The following ZNF469 variants were observed in gnomAD, a reference collection of about 807,000 sequenced individuals.
ZNF469 encodes the protein zinc finger protein 469.
In ZNF469, 1 loss-of-function variant was observed where a neutral mutation model predicts 1.0. The observed-to-expected ratio is 1.00, with a 90% CI of 0.35 to 4.73. The LOEUF is 4.73. Ranked by LOEUF, ZNF469 falls within the 30% of genes most tolerant of loss-of-function variation. ZNF469 has a pLI of 0.16. For missense variants in ZNF469, 6,100 were observed against 5,356.3 expected, an observed-to-expected ratio of 1.14 and a Z score of -4.33; for synonymous variants, 2,703 against 2,363.4, an observed-to-expected ratio of 1.14 and a Z score of -4.17.
the ZNF469 span, among the ~76,000 whole-genome samples, chr16:88,159,607 A>G: frequency 6.6e-6 from 1 of 152,196 alleles, no homozygotes; most frequent in African/African-American, 2.4e-5. Context: ...ATCAGCTTGA[A>G]GCAAAAACAA....
chr16:88,231,713 G>A, the ZNF469 span, among the ~76,000 whole-genome samples: 1 of 151,880 alleles, frequency 6.6e-6, no homozygotes. The surrounding 1 kb of genome is among the most constrained non-coding windows in gnomAD (Gnocchi z 4.5). Flanking sequence ...TGAGCCCCCC[G>A]CCTCCCTCTT....
At chr16:88,168,000 C>A in the ZNF469 span, among the ~76,000 whole-genome samples, 1 of 152,230 alleles carries the variant, frequency 6.6e-6, no homozygotes, top group Non-Finnish European at 1.5e-5. Flanking sequence ...GTTTGGCGGG[C>A]GGGTCCCCCT....
At chr16:88,252,577 G>C in the ZNF469 span, among the ~76,000 whole-genome samples, 336 of 152,174 alleles carry the variant, frequency 2.2e-3, no homozygotes, top group African/African-American at 7.7e-3. Flanking sequence ...GTTATCTGCG[G>C]GAAGGTTCAC....
the ZNF469 span, among the ~76,000 whole-genome samples, chr16:88,130,560 G>T: frequency 3.9e-5 from 6 of 152,036 alleles, no homozygotes; most frequent in African/African-American, 1.4e-4. Flanking sequence ...ACAAAAATTA[G>T]CTGGGCGTGG....
At chr16:88,349,355 T>C in the ZNF469 span, among the ~76,000 whole-genome samples, 1 of 150,636 alleles carries the variant, frequency 6.6e-6, no homozygotes, top group Non-Finnish European at 1.5e-5. Context: ...CACACACAAG[T>C]ACACACATAT....
Position 88,438,324 on chromosome 16 carries a change from C to T in ZNF469, c.10854C>T (p.Leu3618=), listed in dbSNP as rs890693959. The part of the protein sequence containing the change: ...GQDAEGKRAP[L]VFSGKRRAPG... ...ATGCGGAGGGAAAGAGGGCTCCTCT[C>T]GTGTTCTCAGGGAAACGCAGGGCCC... The change falls in exon 3 of 3, where the codon CTC becomes CTT. Residue 3618 remains leucine (L), a synonymous_variant. Transcript: ENST00000565624. The T allele has an allele frequency of 9.0e-6, 14 of 1,550,072 alleles. No individual in the cohort carries two copies. The highest frequency in any genetic ancestry group is 3.9e-5 in the Admixed American group (2 of 50,982).
chr16:88,247,575 AG>A, the ZNF469 span, among the ~76,000 whole-genome samples: 1 of 150,680 alleles, frequency 6.6e-6, no homozygotes, highest in Non-Finnish European at 1.5e-5. Context: ...TGAGTGACTG[AG>A]TGAGTGAATG....
At chr16:88,382,661 G>T (rs1438921033), upstream of ZNF469, among the ~76,000 whole-genome samples, 1 of 152,232 alleles carries the variant, frequency 6.6e-6, no homozygotes, top group African/African-American at 2.4e-5. Context: ...GAGCTGGAGC[G>T]CAGGCCAGGG....
At chr16:88,227,591 C>A in the ZNF469 span, among the ~76,000 whole-genome samples, 1 of 145,068 alleles carries the variant, frequency 6.9e-6, no homozygotes, top group African/African-American at 2.6e-5. Context: ...CCTTCTCCCT[C>A]CCTCGAGTCT....
chr16:88,298,148 C>G, the ZNF469 span, among the ~76,000 whole-genome samples: 2 of 152,222 alleles, frequency 1.3e-5, no homozygotes, highest in African/African-American at 4.8e-5. Context: ...CCCCCTGCCA[C>G]AGCCCATGGG....
At chr16:88,382,578 G>C (rs566728320), upstream of ZNF469, among the ~76,000 whole-genome samples, 6 of 152,362 alleles carry the variant, frequency 3.9e-5, no homozygotes, top group African/African-American at 1.2e-4. Context: ...GCAGGTGCCA[G>C]GTGCCAGTCG....
chr16:88,154,794 C>A, the ZNF469 span, among the ~76,000 whole-genome samples: 1 of 152,192 alleles, frequency 6.6e-6, no homozygotes, highest in African/African-American at 2.4e-5. Context: ...GGACGGTGAA[C>A]GCAGGCAGGG....
Position 88,433,796 on chromosome 16 carries a change from A to G in ZNF469, c.6326A>G (p.Asp2109Gly), listed in dbSNP as rs755640019. ...GATAGCCCAGCACCCTCTGTCGGGG[A>G]CCTGGCCGCCTGCGCCCCCTCACCC... Reference protein sequence around the residue: ...TGDSPAPSVGDLAACAPSPTS... With the variant: ...TGDSPAPSVGGLAACAPSPTS... The change falls in exon 3 of 3, where the codon GAC (aspartate) becomes GGC (glycine). Residue 2109 changes from aspartate (D) to glycine (G), a missense_variant. Asp to Gly is a moderately conservative substitution (Grantham distance 94). Coordinates refer to ENST00000565624, the MANE Select transcript of ZNF469 (RefSeq NM_001367624.2). The G allele has an allele frequency of 9.7e-5, 151 of 1,549,680 alleles. 1 individual carries two copies. In the African/African-American group the frequency reaches 1.7e-3, roughly 17 times the overall value.
Position 88,435,292 on chromosome 16 carries a change from G to GA in ZNF469, c.7828dup (p.Arg2610LysfsTer16). 6.5e-7 allele frequency: 1 copy of GA among 1,550,338 alleles called. No individual in the cohort carries two copies. Among genetic ancestry groups the GA allele is most frequent in the Non-Finnish European group, 8.7e-7 (1 of 1,146,978 alleles). ...AGATGAGCTGCATCCCAAACAGGCA[G>GA]AAAAAAGAGAAGGCCGGAGGTGGCG... On this transcript the variant is annotated frameshift_variant, in exon 3 of 3. Transcript: ENST00000565624. LOFTEE classifies it low-confidence loss of function (END_TRUNC).
At chr16:88,300,042 G>A in the ZNF469 span, among the ~76,000 whole-genome samples, 10 of 152,198 alleles carry the variant, frequency 6.6e-5, no homozygotes, top group South Asian at 2.1e-4. Flanking sequence ...TGGCATTTGC[G>A]GATGAGGAAG....
At chr16:88,117,733 C>T in the ZNF469 span, among the ~76,000 whole-genome samples, 10 of 152,218 alleles carry the variant, frequency 6.6e-5, no homozygotes, top group African/African-American at 2.2e-4. Context: ...TTGATGCTGC[C>T]GCACTGTTGC....
At chr16:88,293,983 A>G in the ZNF469 span, among the ~76,000 whole-genome samples, 1 of 152,210 alleles carries the variant, frequency 6.6e-6, no homozygotes, top group East Asian at 1.9e-4. Context: ...GAACCAAGAT[A>G]AGCATCTGTG....
At chr16:88,309,068 C>T in the ZNF469 span, among the ~76,000 whole-genome samples, 2 of 152,208 alleles carry the variant, frequency 1.3e-5, no homozygotes, top group African/African-American at 4.8e-5. Flanking sequence ...CCGACTGGAC[C>T]TTCTCCCAAC....
upstream of ZNF469, among the ~76,000 whole-genome samples, chr16:88,380,917 C>G (rs2092521181): frequency 9.7e-6 from 1 of 103,200 alleles, no homozygotes; most frequent in South Asian, 3.9e-4. Context: ...CACAGACATG[C>G]ACTCACACAG....
Sources: allele counts gnomAD v4.1 joint callset (sites outside exome capture counted in the v4.1 genomes callset), GRCh38; gene constraint gnomAD v4.1.1; non-coding constraint Gnocchi (gnomAD v3.1); transcripts MANE v1.5; gene names NCBI Gene and HGNC (gene_info 2026-07-23, HGNC 2026-07-21).